The following IDH3A variants were observed in gnomAD, a reference collection of about 807,000 sequenced individuals.
IDH3A encodes the protein isocitrate dehydrogenase [NAD] subunit alpha, mitochondrial.
In IDH3A, 23 loss-of-function variants were observed where a neutral mutation model predicts 43.3. The ratio of observed to expected loss-of-function variants is 0.53; its 90% confidence interval spans 0.38 to 0.75. IDH3A has a LOEUF of 0.75. Ranked by LOEUF, IDH3A falls within the 30% of genes least tolerant of loss-of-function variation. IDH3A has a pLI of 0.00. For missense variants in IDH3A, 329 were observed against 474.4 expected (o/e 0.69, Z 2.85); for synonymous variants, 154 against 163.5 (o/e 0.94, Z 0.44).
intron 6 of IDH3A, 140 bp from the exon 7 acceptor site, chr15:78,163,367 A>G: frequency 1.7e-6 from 1 of 601,736 alleles, no homozygotes; most frequent in South Asian, 2.2e-5. Context: ...TAACTACCTA[A>G]GAAATAATTT....
intron 10 of IDH3A, 188 bp from the exon 11 acceptor site, chr15:78,168,734 G>C: frequency 1.8e-6 from 1 of 543,234 alleles, no homozygotes; most frequent in Non-Finnish European, 3.4e-6. Context: ...TACACTATGA[G>C]ATTGGATCCC....
chr15:78,162,201 CT>C, intron 5 of IDH3A, 32 bp from the exon 6 acceptor site: 1 of 1,613,188 alleles, frequency 6.2e-7, no homozygotes, highest in East Asian at 2.2e-5. Context: ...CTGTCACACT[CT>C]TTCCAGCAAG....
chr15:78,157,120 G>C, intron 2 of IDH3A: 1 of 1,132,514 alleles, frequency 8.8e-7, no homozygotes, highest in South Asian at 2.0e-5. Flanking sequence ...CAATGGAAAG[G>C]AAAGGAAAAC....
At chr15:78,165,993 CTT>C in intron 9 of IDH3A, 155 bp from the exon 10 acceptor site, 2 of 680,240 alleles carry the variant, frequency 2.9e-6, no homozygotes, top group South Asian at 3.9e-5. Context: ...CCAACCCAGA[CTT>C]TATTTCTTCA....
intron 10 of IDH3A, chr15:78,167,636 G>A (rs994221805): frequency 6.6e-6 from 1 of 152,134 alleles, no homozygotes; most frequent in African/African-American, 2.4e-5. Context: ...CTCAAACTGA[G>A]ACTCTGCACC....
rs2074680575 is a variant in IDH3A at position 78,161,439 on chromosome 15, G to A, written c.290-142G>A. 1 of 633,852 alleles carries A rather than the reference G, an allele frequency of 1.6e-6. No homozygotes were observed. Among genetic ancestry groups the A allele is most frequent in the South Asian group, 2.0e-5 (1 of 50,588 alleles). 39.3% of individuals were successfully genotyped at this position (633,852 alleles called of 1,614,324 possible). ...TGTTCCAGAAAGCTCCCGTGAGGAAGTGTTCCTCCTTCATTTGAATCTCAG... is the reference window on the plus strand; with the variant it reads ...TGTTCCAGAAAGCTCCCGTGAGGAAATGTTCCTCCTTCATTTGAATCTCAG... On this transcript the variant is annotated intron_variant, in intron 4 of 10. Transcript: ENST00000299518. The surrounding 1 kb of genome is among the most constrained non-coding windows in gnomAD (Gnocchi z 4.8).
chr15:78,151,836 G>C (rs1020045648), intron 1 of IDH3A, among the ~76,000 whole-genome samples: 1 of 151,844 alleles, frequency 6.6e-6, no homozygotes, highest in Non-Finnish European at 1.5e-5. Context: ...CTATAAAGTA[G>C]AAGTCCTGCC....
chr15:78,162,080 A>G (rs766666734), intron 5 of IDH3A, 154 bp from the exon 6 acceptor site: 20 of 741,518 alleles, frequency 2.7e-5, no homozygotes, highest in Non-Finnish European at 4.1e-5. Flanking sequence ...TGGAGTTAAC[A>G]TGAACCCCAT....
rs2074821815 is a variant in IDH3A at position 78,171,513 on chromosome 15, C to T, written c.*2508C>T. 1.9e-6 allele frequency: 3 copies of T among 1,614,028 alleles called. No individual in the cohort carries two copies. Among genetic ancestry groups the T allele is most frequent in the Non-Finnish European group, 2.5e-6 (3 of 1,179,994 alleles). On this transcript the variant is annotated 3_prime_UTR_variant, in exon 11 of 11. Coordinates refer to ENST00000299518, the MANE Select transcript of IDH3A (RefSeq NM_005530.3). ...ACTTCTCCAAAACTGTGAGCCGTTTCAGTTTCATCGTGGGACCTAAAAGGG... is the reference window on the plus strand; with the variant it reads ...ACTTCTCCAAAACTGTGAGCCGTTTTAGTTTCATCGTGGGACCTAAAAGGG...
Position 78,163,637 on chromosome 15 carries a change from A to G in IDH3A, c.714+28A>G, listed in dbSNP as rs182281875. ...AAGTATATATTCACACTTACCTGCTACTTTTTATGGTGAATGGTGTCTGTG... is the reference window on the plus strand; with the variant it reads ...AAGTATATATTCACACTTACCTGCTGCTTTTTATGGTGAATGGTGTCTGTG... On this transcript the variant is annotated intron_variant, in intron 7 of 10. Coordinates refer to ENST00000299518, the MANE Select transcript of IDH3A (RefSeq NM_005530.3). 1.5e-4 allele frequency: 238 copies of G among 1,552,794 alleles called. 2 individuals are homozygous for G. In the Middle Eastern group the frequency reaches 4.0e-3, roughly 26 times the overall value.
Position 78,161,553 on chromosome 15 carries a change from G to A in IDH3A, c.290-28G>A. On this transcript the variant is annotated intron_variant, in intron 4 of 10. Transcript: ENST00000299518. The surrounding 1 kb of genome is among the most constrained non-coding windows in gnomAD (Gnocchi z 4.8). ...ACGTGAGACCAGAATTCCTTCTAGT[G>A]TCATCTGGGTTTTCTTCTGTATAAC... 3 of 1,598,306 alleles carry A rather than the reference G, an allele frequency of 1.9e-6. No homozygotes were observed. Among genetic ancestry groups the A allele is most frequent in the African/African-American group, 2.7e-5 (2 of 74,766 alleles).
In IDH3A at chr15:78,152,656, G is replaced by A. The variant is rs554791402; in HGVS notation, c.28-2557G>A. ...ATTACAGGCGTGAGCCACCGCATCC[G>A]GCCTCATGTCACTTTTATGCTCTGC... is the stretch of plus-strand genomic sequence containing the variant. On this transcript the variant is annotated intron_variant, in intron 1 of 10. Transcript: ENST00000299518. Among the ~76,000 whole-genome samples the A allele has an allele frequency of 3.3e-5, 5 of 152,234 alleles. No individual in the cohort carries two copies. In the South Asian group the frequency reaches 1.0e-3, roughly 32 times the overall value.
chr15:78,157,686 C>T lies in IDH3A; in HGVS notation c.174+55C>T, dbSNP rs2074636223. On this transcript the variant is annotated intron_variant, in intron 3 of 10. Transcript: ENST00000299518. ...ATGACTCACTGAAAAGTTTTCTTAGCCAGTTGGATTCTGTGAACTTTTAGG... is the reference window on the plus strand; with the variant it reads ...ATGACTCACTGAAAAGTTTTCTTAGTCAGTTGGATTCTGTGAACTTTTAGG... The T allele has an allele frequency of 7.2e-6, 9 of 1,246,258 alleles. No individual in the cohort carries two copies. The South Asian group carries it at 1.1e-4, about 16-fold the overall frequency. 77.2% of individuals were successfully genotyped at this position (1,246,258 alleles called of 1,614,324 possible).
Position 78,161,572 on chromosome 15 carries a change from G to A in IDH3A, c.290-9G>A, listed in dbSNP as rs769402756. 1.2e-6 allele frequency: 2 copies of A among 1,610,460 alleles called. No homozygotes were observed. Among genetic ancestry groups the A allele is most frequent in the South Asian group, 1.1e-5 (1 of 91,030 alleles). ...TCTAGTGTCATCTGGGTTTTCTTCT[G>A]TATAACAGGCCCTTTGAAGACCCCA... is the stretch of plus-strand genomic sequence containing the variant. On this transcript the variant is annotated splice_polypyrimidine_tract_variant and intron_variant, in intron 4 of 10. Coordinates refer to ENST00000299518, the MANE Select transcript of IDH3A (RefSeq NM_005530.3). This position sits in a 1 kb window ranked among gnomAD's most constrained non-coding sequence, Gnocchi z 4.8.
rs1260061398 is a variant in IDH3A, at chr15:78,169,454, T to C, written c.*449T>C. ...TTGACATAATAGCACAAAATGACAC[T>C]CTTCTAAAACTAAATGGGCACAAGA... is the stretch of plus-strand genomic sequence containing the variant. On this transcript the variant is annotated 3_prime_UTR_variant, in exon 11 of 11. Transcript: ENST00000299518. The C allele has an allele frequency of 6.6e-6, 1 of 152,298 alleles. No individual in the cohort carries two copies. The highest frequency in any genetic ancestry group is 2.4e-5 in the African/African-American group (1 of 41,436). 9.4% of individuals were successfully genotyped at this position (152,298 alleles called of 1,614,324 possible). A position where few individuals can be genotyped will look rare whatever the true frequency, so the allele number is the denominator to read the frequency against.
Position 78,169,806 on chromosome 15 carries a change from A to C in IDH3A, c.*801A>C, listed in dbSNP as rs1241011788. The C allele has an allele frequency of 6.6e-6, 1 of 152,210 alleles. No individual in the cohort carries two copies. The highest frequency in any genetic ancestry group is 1.9e-4 in the East Asian group (1 of 5,196). 9.4% of individuals were successfully genotyped at this position (152,210 alleles called of 1,614,324 possible). A position where few individuals can be genotyped will look rare whatever the true frequency, so the allele number is the denominator to read the frequency against. On this transcript the variant is annotated 3_prime_UTR_variant, in exon 11 of 11. Transcript: ENST00000299518. ...GCATCATGAGTTGTCACAGCCTCTG[A>C]GCCCCTGATCTGAAGCCAGAAGGGC... is the stretch of plus-strand genomic sequence containing the variant.
intron 3 of IDH3A, among the ~76,000 whole-genome samples, chr15:78,158,557 A>G (rs2074649530): frequency 1.5e-5 from 2 of 134,550 alleles, no homozygotes. Flanking sequence ...GCTCACTGCA[A>G]CCTCTGCCTC....
At chr15:78,167,591 A>G (rs1398451747) in intron 10 of IDH3A, 5 of 152,242 alleles carry the variant, frequency 3.3e-5, no homozygotes, top group Non-Finnish European at 1.5e-5. Flanking sequence ...TAATGTAACC[A>G]TCACCATCAG....
chr15:78,160,491 T>C (rs1477008885), intron 4 of IDH3A, among the ~76,000 whole-genome samples: 1 of 152,174 alleles, frequency 6.6e-6, no homozygotes, highest in Non-Finnish European at 1.5e-5. Flanking sequence ...GTATATTTAT[T>C]TATTTACTTA....
Sources: allele counts gnomAD v4.1 joint callset (sites outside exome capture counted in the v4.1 genomes callset), GRCh38; gene constraint gnomAD v4.1.1; non-coding constraint Gnocchi (gnomAD v3.1); transcripts MANE v1.5; gene names NCBI Gene and HGNC (gene_info 2026-07-23, HGNC 2026-07-21).